TMEM126B: variants seen among roughly 807,000 people sequenced by gnomAD.
The protein encoded by TMEM126B is complex I assembly factor TMEM126B, mitochondrial.
In TMEM126B, 19 loss-of-function variants were observed where a neutral mutation model predicts 16.5. The observed-to-expected ratio is 1.15, with a 90% confidence interval of 0.80 to 1.69. The LOEUF is 1.69. TMEM126B is among the 40% of genes most tolerant of loss of function. The probability of loss-of-function intolerance (pLI) is 0.00; values close to 1 mark genes in which losing one functional copy is unlikely to be tolerated. For synonymous variants in TMEM126B, 104 were observed against 93.2 expected (o/e 1.12, Z -0.67); for missense variants, 293 against 278.7 (o/e 1.05, Z -0.37).
In TMEM126B at chr11:85,630,612, GGTTT is replaced by G. The variant is rs1262027402; in HGVS notation, c.82-1070_82-1067del. Reference sequence around the variant, plus strand: ...GAAACGATCCTCTCTGAGAGTGCAGGGTTTGTTTTTTTGTTGTTGTTGTTTTGTT... The same window carrying G: ...GAAACGATCCTCTCTGAGAGTGCAGGGTTTTTTTGTTGTTGTTGTTTTGTT... On this transcript the variant is annotated intron_variant, in intron 1 of 4. Coordinates refer to ENST00000358867, the MANE Select transcript of TMEM126B (RefSeq NM_018480.7). 3.3e-5 allele frequency among the ~76,000 whole-genome samples: 5 copies of G among 152,208 alleles called. No homozygotes were observed. The South Asian group carries it at 6.2e-4, about 19-fold the overall frequency.
chr11:85,636,231 C>CA lies in TMEM126B; in HGVS notation c.*9dup. On this transcript the variant is annotated 3_prime_UTR_variant, in exon 5 of 5. Transcript: ENST00000358867. Reference sequence around the variant, plus strand: ...GAGAAAACTATACATGAAGAGTAACCAAAAAAATGAATGGTTGCTAACTTA... The same window carrying CA: ...GAGAAAACTATACATGAAGAGTAACCAAAAAAAATGAATGGTTGCTAACTTA... 2.0e-6 allele frequency: 3 copies of CA among 1,472,464 alleles called. No homozygotes were observed. The highest frequency in any genetic ancestry group is 2.5e-5 in the Admixed American group (1 of 40,366). The allele number at this position is 1,472,464 out of a possible 1,614,324, so 91.2% of individuals were successfully genotyped here.
chr11:85,631,443 G>A, intron 1 of TMEM126B: 1 of 853,576 alleles, frequency 1.2e-6, no homozygotes, highest in African/African-American at 1.8e-5. Flanking sequence ...GAAAGCCAAT[G>A]TCTGTATTGT....
intron 1 of TMEM126B, chr11:85,629,178 G>C (rs1414085319): frequency 2.2e-5 from 28 of 1,267,944 alleles, no homozygotes; most frequent in Non-Finnish European, 2.9e-5. Context: ...CTGAGGATGG[G>C]ATGACTGTAT....
In TMEM126B at chr11:85,628,650, T is replaced by A. The variant is rs1250792149; in HGVS notation, c.43T>A (p.Ser15Thr). The A allele has an allele frequency of 6.5e-7, 1 of 1,536,150 alleles. No homozygotes were observed. Among genetic ancestry groups the A allele is most frequent in the South Asian group, 1.2e-5 (1 of 84,070 alleles). Reference protein sequence around the residue: ...GYEAGTKPRDSGVVPVGTEEA... With the variant: ...GYEAGTKPRDTGVVPVGTEEA... ...TGAGGCTGGGACTAAGCCAAGGGAT[T>A]CAGGTGTGGTGCCGGTGGGAACTGA... The change falls in exon 1 of 5, where the codon TCA (serine) becomes ACA (threonine). Residue 15 changes from serine (S) to threonine (T), a missense_variant. By Grantham distance (58) the Ser-to-Thr change is moderately conservative. Coordinates refer to ENST00000358867, the MANE Select transcript of TMEM126B (RefSeq NM_018480.7).
Position 85,628,657 on chromosome 11 carries a change from T to C in TMEM126B, c.50T>C (p.Val17Ala). Residue 17 changes from valine (V) to alanine (A), a missense_variant, in exon 1 of 5, where the codon GTG becomes GCG. Transcript: ENST00000358867. ...EAGTKPRDSG[V>A]VPVGTEEAPK... is the part of the protein sequence containing the mutation. ...GGGACTAAGCCAAGGGATTCAGGTG[T>C]GGTGCCGGTGGGAACTGAGGAAGCG... The C allele has an allele frequency of 1.3e-6, 2 of 1,536,168 alleles. No individual in the cohort carries two copies. Among genetic ancestry groups the C allele is most frequent in the East Asian group, 2.4e-5 (1 of 40,912 alleles).
intron 1 of TMEM126B, chr11:85,629,396 A>C: frequency 2.0e-6 from 1 of 500,228 alleles, no homozygotes; most frequent in Non-Finnish European, 3.4e-6. Flanking sequence ...CGTGGTGACT[A>C]GTTGAGTGGC....
At chr11:85,629,040 C>T (rs2082174774) in intron 1 of TMEM126B, 1 of 483,754 alleles carries the variant, frequency 2.1e-6, no homozygotes, top group Non-Finnish European at 4.0e-6. Flanking sequence ...GGGAAGCCTT[C>T]CCACGCTTCC....
chr11:85,632,693 G>C (rs58931064), intron 2 of TMEM126B, among the ~76,000 whole-genome samples: 3 of 151,798 alleles, frequency 2.0e-5, no homozygotes, highest in Non-Finnish European at 4.4e-5. Flanking sequence ...AAAGTGTACA[G>C]TTATATGAGT....
chr11:85,633,437 T>C (rs56299757), intron 2 of TMEM126B, among the ~76,000 whole-genome samples: 4,128 of 152,344 alleles, frequency 0.027, 76 homozygotes, highest in Middle Eastern at 0.065. Context: ...AAAGTGTTCC[T>C]ATTTCTCCAC....
chr11:85,635,821 C>CAT, intron 4 of TMEM126B, 43 bp downstream of exon 4: 1 of 867,438 alleles, frequency 1.2e-6, no homozygotes, highest in Non-Finnish European at 1.6e-6. Context: ...CTTTTCTTTT[C>CAT]TTTTTTTTTT....
chr11:85,628,855 A>C (rs1040202750), intron 1 of TMEM126B, among the ~76,000 whole-genome samples, 167 bp downstream of exon 1: 2 of 152,240 alleles, frequency 1.3e-5, no homozygotes, highest in Non-Finnish European at 2.9e-5. Flanking sequence ...AAAGAGGCGG[A>C]GAGAACGTAG....
chr11:85,628,721 A>T (rs1222680164), intron 1 of TMEM126B, 33 bp downstream of exon 1: 1 of 1,519,738 alleles, frequency 6.6e-7, no homozygotes, highest in Admixed American at 2.0e-5. Flanking sequence ...ATGGGGGGTG[A>T]TTTCTGCACC....
At chr11:85,635,385 C>T (rs1451027465) in intron 3 of TMEM126B, among the ~76,000 whole-genome samples, 1 of 152,184 alleles carries the variant, frequency 6.6e-6, no homozygotes, top group African/African-American at 2.4e-5. Context: ...GTACTCTAGC[C>T]TGGGCAACAG....
In TMEM126B at chr11:85,634,141, A is replaced by G. The variant is rs1163124323; in HGVS notation, c.259A>G (p.Ile87Val). Residue 87 changes from isoleucine (I) to valine (V), a missense_variant, in exon 3 of 5, where the codon ATA becomes GTA. By Grantham distance (29) the Ile-to-Val change is conservative. Transcript: ENST00000358867. ...TFGTTAGFSG[I>V]FSNFLFRRCF... is the part of the protein sequence containing the mutation. ...TGGAACAACAGCTGGTTTCTCTGGA[A>G]TATTCTCAAACTTCCTGTTCAGACG... The G allele has an allele frequency of 1.2e-6, 2 of 1,613,806 alleles. No individual in the cohort carries two copies. Among genetic ancestry groups the G allele is most frequent in the South Asian group, 2.2e-5 (2 of 91,054 alleles).
At chr11:85,633,308 G>T (rs1432589680) in intron 2 of TMEM126B, among the ~76,000 whole-genome samples, 7 of 152,134 alleles carry the variant, frequency 4.6e-5, no homozygotes, top group South Asian at 2.1e-4. Flanking sequence ...AGTCCTTTGG[G>T]TATATACCCA....
upstream of TMEM126B, chr11:85,628,586 G>T: frequency 6.5e-7 from 1 of 1,528,076 alleles, no homozygotes; most frequent in Non-Finnish European, 8.7e-7. Context: ...CCGCCCACCG[G>T]CAAGTCACAT....
At chr11:85,635,930 CTT>C (rs1189051951) in intron 4 of TMEM126B, 114 bp from the exon 5 acceptor site, 1 of 1,208,106 alleles carries the variant, frequency 8.3e-7, no homozygotes, top group East Asian at 2.8e-5. Context: ...TAACTTTTAA[CTT>C]TTTTGCTCTC....
chr11:85,635,630 G>C (rs2082383633), intron 3 of TMEM126B, 37 bp from the exon 4 acceptor site: 3 of 1,500,890 alleles, frequency 2.0e-6, no homozygotes, highest in Non-Finnish European at 2.7e-6. Context: ...TAGCTCTTGA[G>C]TTTTAAAGGA....
In TMEM126B at chr11:85,636,374, T is replaced by TTCAA; in HGVS notation, c.*147_*150dup. 1 of 471,426 alleles carries TTCAA rather than the reference T, an allele frequency of 2.1e-6. No individual in the cohort carries two copies. The allele number at this position is 471,426 out of a possible 1,614,324, so 29.2% of individuals were successfully genotyped here. ...GTATATAGCAAATACTCAAAAAGTA[T>TTCAA]TCAATAATTCAATCAATAAATATAA... On this transcript the variant is annotated 3_prime_UTR_variant, in exon 5 of 5. Transcript: ENST00000358867.
Sources: allele counts gnomAD v4.1 joint callset (sites outside exome capture counted in the v4.1 genomes callset), GRCh38; gene constraint gnomAD v4.1.1; transcripts MANE v1.5; gene names NCBI Gene and HGNC (gene_info 2026-07-23, HGNC 2026-07-21).